BLTP1: variants seen among roughly 807,000 people sequenced by gnomAD.
The protein encoded by BLTP1 is fragile site-associated protein.
the BLTP1 span, among the ~76,000 whole-genome samples, chr4:122,156,347 G>A: frequency 3.3e-5 from 5 of 152,200 alleles, no homozygotes; most frequent in African/African-American, 1.2e-4. Flanking sequence ...CAGCATTTAA[G>A]GGTGAGGTTA....
At chr4:122,277,741 G>C in the BLTP1 span, 1 of 981,908 alleles carries the variant, frequency 1.0e-6, no homozygotes, top group Non-Finnish European at 1.2e-6. Context: ...TCAATTTCTT[G>C]TAACATAGTG....
chr4:122,335,050 G>C, the BLTP1 span, among the ~76,000 whole-genome samples: 1 of 151,788 alleles, frequency 6.6e-6, no homozygotes, highest in Admixed American at 6.6e-5. Flanking sequence ...AGATTTTTCA[G>C]CCCCAGTCAA....
the BLTP1 span, chr4:122,316,311 A>C: frequency 7.0e-6 from 3 of 429,382 alleles, no homozygotes; most frequent in Non-Finnish European, 1.4e-5. Context: ...CTTGGGAAGA[A>C]ATTTTTTTAA....
At chr4:122,155,733 G>T in the BLTP1 span, among the ~76,000 whole-genome samples, 5 of 152,308 alleles carry the variant, frequency 3.3e-5, no homozygotes, top group Non-Finnish European at 5.9e-5. Flanking sequence ...TGAGGAACTT[G>T]TATAGAAGAT....
At chr4:122,234,532 G>A in the BLTP1 span, among the ~76,000 whole-genome samples, 31 of 150,818 alleles carry the variant, frequency 2.1e-4, no homozygotes, top group East Asian at 3.1e-3. Context: ...AATGTATGCC[G>A]TATCTCTATT....
the BLTP1 span, chr4:122,238,432 C>T: frequency 9.3e-7 from 1 of 1,077,850 alleles, no homozygotes; most frequent in Admixed American, 2.1e-5. Context: ...AACTTCTTCC[C>T]TCTCCACTCC....
At chr4:122,184,199 G>A in the BLTP1 span, among the ~76,000 whole-genome samples, 1 of 152,138 alleles carries the variant, frequency 6.6e-6, no homozygotes, top group African/African-American at 2.4e-5. Context: ...CCTGCTCAAA[G>A]TTAAGTGAAT....
At chr4:122,170,751 G>A in the BLTP1 span, 1 of 1,572,820 alleles carries the variant, frequency 6.4e-7, no homozygotes, top group African/African-American at 1.4e-5. Context: ...GTTGGTAAGT[G>A]GAATATTTTT....
chr4:122,354,460 G>C, the BLTP1 span, among the ~76,000 whole-genome samples: 3 of 120,854 alleles, frequency 2.5e-5, no homozygotes, highest in East Asian at 7.6e-4. Flanking sequence ...AAGTTTAAAA[G>C]AAAGTGCTTT....
the BLTP1 span, chr4:122,249,664 G>C: frequency 1.2e-6 from 2 of 1,613,590 alleles, no homozygotes; most frequent in Non-Finnish European, 1.7e-6. Flanking sequence ...ATGTGGACTT[G>C]AAAATTTAAC....
the BLTP1 span, chr4:122,271,781 G>A: frequency 8.9e-7 from 1 of 1,123,994 alleles, no homozygotes; most frequent in Non-Finnish European, 1.3e-6. Flanking sequence ...TAATACCAAA[G>A]AAGCAGAAGA....
chr4:122,225,858 C>T, the BLTP1 span: 1 of 152,108 alleles, frequency 6.6e-6, no homozygotes, highest in Non-Finnish European at 1.5e-5. Flanking sequence ...TCCAAAGCAG[C>T]TTGTTCCCTA....
At chr4:122,164,657 A>T in the BLTP1 span, among the ~76,000 whole-genome samples, 2 of 151,992 alleles carry the variant, frequency 1.3e-5, no homozygotes, top group Non-Finnish European at 2.9e-5. Flanking sequence ...TTTTGATGTG[A>T]CTATATAGAA....
chr4:122,334,255 C>T, the BLTP1 span: 1 of 1,215,012 alleles, frequency 8.2e-7, no homozygotes. Flanking sequence ...TTCTGACTTC[C>T]AATGTTCTTT....
At chr4:122,349,242 G>A in the BLTP1 span, 1 of 1,613,488 alleles carries the variant, frequency 6.2e-7, no homozygotes, top group Non-Finnish European at 8.5e-7. This position sits in a 1 kb window ranked among gnomAD's most constrained non-coding sequence, Gnocchi z 4.5. Flanking sequence ...CTGTTGGTCT[G>A]GGAAGATCAC....
At chr4:122,266,860 T>C in the BLTP1 span, 2 of 1,612,472 alleles carry the variant, frequency 1.2e-6, no homozygotes, top group Non-Finnish European at 1.7e-6. Context: ...GAATGTACTT[T>C]GGAGAACACC....
At chr4:122,273,154 G>T in the BLTP1 span, 2 of 891,840 alleles carry the variant, frequency 2.2e-6, no homozygotes, top group Non-Finnish European at 2.7e-6. Flanking sequence ...CATGAGAAAA[G>T]GAAGTTATCA....
chr4:122,226,669 G>T, the BLTP1 span: 1 of 1,611,040 alleles, frequency 6.2e-7, no homozygotes, highest in African/African-American at 1.3e-5. Context: ...TGTTTAGAAT[G>T]CTAACAGTGT....
chr4:122,261,846 A>C, the BLTP1 span: 3 of 985,366 alleles, frequency 3.0e-6, no homozygotes, highest in Non-Finnish European at 3.6e-6. Context: ...TCCTGTGTCA[A>C]CACCCTTCCT....
Sources: allele counts gnomAD v4.1 joint callset (sites outside exome capture counted in the v4.1 genomes callset), GRCh38; gene constraint gnomAD v4.1.1; non-coding constraint Gnocchi (gnomAD v3.1); transcripts MANE v1.5; gene names NCBI Gene and HGNC (gene_info 2026-07-23, HGNC 2026-07-21).